Variants in CASK observed in about 807,000 individuals in gnomAD.
CASK encodes the protein calcium/calmodulin dependent serine protein kinase.
In CASK, 4 loss-of-function variants were observed where a neutral mutation model predicts 82.9. The observed-to-expected ratio is 0.05, with a 90% CI of 0.02 to 0.11. CASK has a LOEUF of 0.11. Among genes scored for constraint, CASK ranks in the 10% least tolerant of loss-of-function variants. The pLI is 1.00. For missense variants in CASK, 358 were observed against 720.9 expected, an observed-to-expected ratio of 0.50 and a Z score of 5.76; for synonymous variants, 259 against 253.5, an observed-to-expected ratio of 1.02 and a Z score of -0.20.
chrX:41,745,676 T>C (rs2068675176), intron 3 of CASK, 75 bp from the exon 4 acceptor site: 1 of 676,288 alleles, frequency 1.5e-6, no homozygotes, highest in East Asian at 3.4e-5. Context: ...GAATACATTG[T>C]AACTAAGTTA....
At chrX:41,814,869 A>G (rs1285466511) in intron 2 of CASK, among the ~76,000 whole-genome samples, 1 of 112,176 alleles carries the variant, frequency 8.9e-6, no homozygotes, top group Non-Finnish European at 1.9e-5. Context: ...TATGAAACAA[A>G]TATTATCAGG....
chrX:41,626,356 A>G (rs878874603), intron 10 of CASK, among the ~76,000 whole-genome samples: 1 of 111,327 alleles, frequency 9.0e-6, no homozygotes, highest in African/African-American at 3.3e-5. Flanking sequence ...GGAAAGGGGA[A>G]GAAGTATTAC....
intron 1 of CASK, among the ~76,000 whole-genome samples, chrX:41,904,761 G>A (rs972477192): frequency 9.9e-5 from 11 of 111,376 alleles, no homozygotes; most frequent in African/African-American, 3.3e-4. Flanking sequence ...CCCTCAAGTA[G>A]GCCCCAGTGT....
intron 1 of CASK, among the ~76,000 whole-genome samples, chrX:41,881,773 T>C (rs961310827): frequency 2.7e-5 from 3 of 111,053 alleles, no homozygotes; most frequent in African/African-American, 6.5e-5. Flanking sequence ...GAAAGGGAAA[T>C]CATTCAATTT....
rs1028468148 is a variant in CASK, at chrX:41,542,585, A to G, written c.2155+106T>C. 2.7e-5 allele frequency: 14 copies of G among 527,055 alleles called. No individual in the cohort carries two copies. In the African/African-American group the frequency reaches 3.0e-4, roughly 11 times the overall value. 43.4% of individuals were successfully genotyped at this position (527,055 alleles called of 1,213,427 possible). ...AAAGTTGATGAAGATCTCATATGGT[A>G]GAATTTTTTGGATAGAGAACACTGA... On this transcript the variant is annotated intron_variant, in intron 22 of 26. Transcript: ENST00000378163.
At position 41,667,003 on chromosome X, in the gene CASK, GAC is replaced by G. The variant is rs762419558; in HGVS notation, c.533-1553_533-1552del. 1.4e-4 allele frequency among the ~76,000 whole-genome samples: 16 copies of G among 110,779 alleles called. No homozygotes were observed. The East Asian group carries it at 4.2e-3, about 29-fold the overall frequency. ...CCAGGGTACCAGTTAGGTACCTGCTGACAGTTTGGATGATGCTTTGAAACTCA... is the reference window on the plus strand; with the variant it reads ...CCAGGGTACCAGTTAGGTACCTGCTGAGTTTGGATGATGCTTTGAAACTCA... On this transcript the variant is annotated intron_variant, in intron 6 of 26. Coordinates refer to ENST00000378163, the MANE Select transcript of CASK (RefSeq NM_001367721.1).
chrX:41,599,961 T>C (rs1274645905), intron 12 of CASK, among the ~76,000 whole-genome samples: 2 of 111,984 alleles, frequency 1.8e-5, no homozygotes, highest in East Asian at 5.6e-4. Flanking sequence ...TGCCCAACTA[T>C]GAGAAATTTT....
At chrX:41,856,773 G>A (rs1040666177) in intron 1 of CASK, among the ~76,000 whole-genome samples, 1 of 97,437 alleles carries the variant, frequency 1.0e-5, no homozygotes, top group African/African-American at 3.8e-5. Context: ...TCCAGCCTGG[G>A]TGACAGAGCA....
At chrX:41,718,691 TGTTACCGATCATG>T (rs1420495843) in intron 5 of CASK, among the ~76,000 whole-genome samples, 1 of 112,000 alleles carries the variant, frequency 8.9e-6, no homozygotes, top group Non-Finnish European at 1.9e-5. Flanking sequence ...CAATTGGCAT[TGTTACCGATCATG>T]GGTTCTTGGA....
At position 41,586,889 on chromosome X, in the gene CASK, A is replaced by G. The variant is rs199729372; in HGVS notation, c.1314+18T>C. 2.4e-3 allele frequency: 2,478 copies of G among 1,042,247 alleles called. 9 individuals carry two copies. The highest frequency in any genetic ancestry group is 2.3e-3 in the Non-Finnish European group (1,704 of 743,122). The allele number at this position is 1,042,247 out of a possible 1,213,427, so 85.9% of individuals were successfully genotyped here. On this transcript the variant is annotated intron_variant, in intron 14 of 26. Coordinates refer to ENST00000378163, the MANE Select transcript of CASK (RefSeq NM_001367721.1). ...GAAAGTGAGGTTTCAGTTCTATGGA[A>G]GTTTAATTATTACTTACCATGAAAT... is the stretch of plus-strand genomic sequence containing the variant.
chrX:41,864,081 T>A (rs1390598902), intron 1 of CASK, among the ~76,000 whole-genome samples: 5 of 111,684 alleles, frequency 4.5e-5, no homozygotes, highest in Non-Finnish European at 3.8e-5. Flanking sequence ...GATACTTCTG[T>A]GGAATACCGT....
At chrX:41,582,710 A>G (rs2065599397) in intron 14 of CASK, among the ~76,000 whole-genome samples, 1 of 111,628 alleles carries the variant, frequency 9.0e-6, no homozygotes, top group Admixed American at 9.5e-5. Context: ...ACTGTATCTC[A>G]GCCACAAAGG....
At chrX:41,713,142 G>T (rs1397691116) in intron 5 of CASK, among the ~76,000 whole-genome samples, 1 of 112,139 alleles carries the variant, frequency 8.9e-6, no homozygotes, top group Non-Finnish European at 1.9e-5. Context: ...GAACCCACTG[G>T]ACAGTTACAC....
chrX:41,807,887 C>T (rs1303785583), intron 2 of CASK, among the ~76,000 whole-genome samples: 3 of 111,680 alleles, frequency 2.7e-5, no homozygotes, highest in Admixed American at 1.9e-4. Context: ...CGGAGTTTCA[C>T]TCTTATCACC....
chrX:41,528,346 T>C (rs2147078299), intron 25 of CASK, among the ~76,000 whole-genome samples: 1 of 112,775 alleles, frequency 8.9e-6, no homozygotes, highest in Non-Finnish European at 1.9e-5. Context: ...CATCATCCTC[T>C]AGCTTTAAAG....
chrX:41,810,735 T>A (rs906430180), intron 2 of CASK, among the ~76,000 whole-genome samples: 1 of 111,825 alleles, frequency 8.9e-6, no homozygotes, highest in Non-Finnish European at 1.9e-5. Flanking sequence ...CATAACAATA[T>A]TAACCTTAAA....
intron 6 of CASK, among the ~76,000 whole-genome samples, chrX:41,666,420 G>A (rs1397657039): frequency 1.8e-5 from 2 of 111,988 alleles, no homozygotes; most frequent in Non-Finnish European, 3.8e-5. Flanking sequence ...TGCAAGCCCA[G>A]CCACCTCCCT....
At chrX:41,912,510 G>A (rs1362974578) in intron 1 of CASK, among the ~76,000 whole-genome samples, 1 of 107,845 alleles carries the variant, frequency 9.3e-6, no homozygotes, top group African/African-American at 3.4e-5. Context: ...GCTTCACCAC[G>A]TTAGTCAGGC....
At chrX:41,710,644 A>G (rs2067956988) in intron 5 of CASK, among the ~76,000 whole-genome samples, 1 of 112,122 alleles carries the variant, frequency 8.9e-6, no homozygotes, top group Non-Finnish European at 1.9e-5. Context: ...AAACTCCAGA[A>G]TGATGTCTTT....
Sources: allele counts gnomAD v4.1 joint callset (sites outside exome capture counted in the v4.1 genomes callset), GRCh38; gene constraint gnomAD v4.1.1; transcripts MANE v1.5; gene names NCBI Gene and HGNC (gene_info 2026-07-23, HGNC 2026-07-21).